Variants in RASEF observed in about 807,000 individuals in gnomAD.
RASEF encodes RAS and EF-hand domain containing, also known as ras and EF-hand domain-containing protein.
RASEF carries 68 observed loss-of-function variants against 90.1 expected under a neutral mutation model. The ratio of observed to expected loss-of-function variants is 0.75; its 90% confidence interval spans 0.62 to 0.92. The LOEUF is 0.92. RASEF is among the 40% of genes least tolerant of loss of function. The probability of loss-of-function intolerance (pLI) is 0.00; values close to 1 mark genes in which losing one functional copy is unlikely to be tolerated. For missense variants in RASEF, 949 were observed against 937.2 expected (o/e 1.01, Z -0.16); for synonymous variants, 331 against 345.2 (o/e 0.96, Z 0.46).
the RASEF span, among the ~76,000 whole-genome samples, chr9:83,090,081 T>C: frequency 6.6e-6 from 1 of 152,234 alleles, no homozygotes; most frequent in Non-Finnish European, 1.5e-5. Flanking sequence ...AGTTAACTTA[T>C]CTTCGGGTTC....
intron 1 of RASEF, among the ~76,000 whole-genome samples, chr9:83,042,622 T>C (rs138185705): frequency 6.6e-6 from 1 of 152,194 alleles, no homozygotes; most frequent in East Asian, 1.9e-4. Flanking sequence ...TGAATAAAAA[T>C]GGAACAGGAG....
chr9:83,031,224 C>T lies in RASEF; in HGVS notation c.432-5303G>A, dbSNP rs772008384. On this transcript the variant is annotated intron_variant, in intron 1 of 16. Transcript: ENST00000376447. ...TTTGGGTATTTTATCATCTTCTTCCCTATTAACATACTTCCTTACCTCCTT... is the reference window on the plus strand; with the variant it reads ...TTTGGGTATTTTATCATCTTCTTCCTTATTAACATACTTCCTTACCTCCTT... Among the ~76,000 whole-genome samples the T allele has an allele frequency of 1.0e-3, 156 of 152,314 alleles. 1 individual carries two copies. The highest frequency in any genetic ancestry group is 2.0e-3 in the Non-Finnish European group (139 of 68,022).
intron 4 of RASEF, 49 bp from the exon 5 acceptor site, chr9:83,012,560 C>T (rs1238866878): frequency 1.7e-6 from 2 of 1,203,402 alleles, no homozygotes. Context: ...CTTTGAATTG[C>T]TTTGGTTAAG....
the RASEF span, among the ~76,000 whole-genome samples, chr9:83,171,808 TTTTC>T: frequency 2.0e-5 from 3 of 151,824 alleles, no homozygotes; most frequent in South Asian, 6.2e-4. Flanking sequence ...GGGTCTTCTT[TTTTC>T]TTTGTTAGTC....
At chr9:83,120,010 A>G in the RASEF span, among the ~76,000 whole-genome samples, 2 of 152,250 alleles carry the variant, frequency 1.3e-5, no homozygotes, top group Non-Finnish European at 2.9e-5. Context: ...TTCACAACAC[A>G]TCTGATTTTG....
the RASEF span, among the ~76,000 whole-genome samples, chr9:83,076,965 AT>A: frequency 1.3e-5 from 2 of 152,092 alleles, no homozygotes; most frequent in Non-Finnish European, 2.9e-5. Flanking sequence ...TTTTCCAAAT[AT>A]TTTTCACTTT....
intron 8 of RASEF, 50 bp downstream of exon 8, chr9:83,005,366 T>C (rs773140493): frequency 7.6e-7 from 1 of 1,317,354 alleles, no homozygotes; most frequent in Non-Finnish European, 1.1e-6. Context: ...AACACCAAAA[T>C]ACTCCACCAC....
chr9:82,988,124 C>T (rs1564068150), intron 16 of RASEF, among the ~76,000 whole-genome samples: 1 of 152,222 alleles, frequency 6.6e-6, no homozygotes, highest in South Asian at 2.1e-4. Flanking sequence ...GAATGAAACA[C>T]CAACACAACC....
intron 1 of RASEF, among the ~76,000 whole-genome samples, chr9:83,031,165 C>G (rs967713857): frequency 6.6e-6 from 1 of 152,224 alleles, no homozygotes; most frequent in Non-Finnish European, 1.5e-5. Flanking sequence ...TTACAGTCAG[C>G]TTAAGCTTAG....
chr9:83,141,645 C>T, the RASEF span, among the ~76,000 whole-genome samples: 4 of 152,340 alleles, frequency 2.6e-5, no homozygotes, highest in African/African-American at 9.6e-5. Context: ...CAGCTCGGTA[C>T]TCACCAAGGT....
At chr9:83,039,792 G>A (rs1213069428) in intron 1 of RASEF, among the ~76,000 whole-genome samples, 1 of 152,078 alleles carries the variant, frequency 6.6e-6, no homozygotes, top group East Asian at 1.9e-4. Context: ...CAGATGCTAA[G>A]AAAGCTGAAA....
chr9:83,022,271 G>A (rs1463372031), intron 3 of RASEF, 65 bp downstream of exon 3: 24 of 1,166,834 alleles, frequency 2.1e-5, no homozygotes, highest in Non-Finnish European at 3.1e-5. Flanking sequence ...AAGAGTGCCT[G>A]GGCCCTCTCC....
chr9:83,212,417 C>T, the RASEF span, among the ~76,000 whole-genome samples: 2 of 152,196 alleles, frequency 1.3e-5, no homozygotes, highest in Non-Finnish European at 2.9e-5. Context: ...CACAAATAAA[C>T]TGGTCTGCCC....
At chr9:83,043,386 T>A (rs1258093740) in intron 1 of RASEF, among the ~76,000 whole-genome samples, 1 of 125,256 alleles carries the variant, frequency 8.0e-6, no homozygotes, top group Non-Finnish European at 1.7e-5. Flanking sequence ...GAAAGAGGGG[T>A]CTGCAGTGAT....
chr9:83,028,665 G>A (rs1021926598), intron 1 of RASEF, among the ~76,000 whole-genome samples: 1 of 152,184 alleles, frequency 6.6e-6, no homozygotes, highest in African/African-American at 2.4e-5. Context: ...ATTTATAATT[G>A]TAATAAAAAT....
At chr9:83,204,080 T>G in the RASEF span, among the ~76,000 whole-genome samples, 2 of 152,002 alleles carry the variant, frequency 1.3e-5, no homozygotes, top group Non-Finnish European at 2.9e-5. Context: ...GAGCAGATGG[T>G]AAGAAGGTGA....
the RASEF span, among the ~76,000 whole-genome samples, chr9:83,168,082 C>T: frequency 6.6e-6 from 1 of 152,042 alleles, no homozygotes; most frequent in Non-Finnish European, 1.5e-5. Context: ...TGAGGAACTG[C>T]CAAAATATTT....
chr9:83,022,070 C>T (rs1829454845), intron 3 of RASEF, among the ~76,000 whole-genome samples: 2 of 152,142 alleles, frequency 1.3e-5, no homozygotes, highest in Non-Finnish European at 2.9e-5. Flanking sequence ...ACCTAAGCAG[C>T]CTCCTCCCCC....
the RASEF span, among the ~76,000 whole-genome samples, chr9:83,214,403 T>TATTA: frequency 6.6e-6 from 1 of 152,034 alleles, no homozygotes; most frequent in African/African-American, 2.4e-5. Flanking sequence ...AATAAATAAA[T>TATTA]ATTAATTAAT....
Sources: allele counts gnomAD v4.1 joint callset (sites outside exome capture counted in the v4.1 genomes callset), GRCh38; gene constraint gnomAD v4.1.1; transcripts MANE v1.5; gene names NCBI Gene and HGNC (gene_info 2026-07-23, HGNC 2026-07-21).